The following SLC10A7 variants were observed in gnomAD, a reference collection of about 807,000 sequenced individuals.
SLC10A7 encodes sodium/bile acid cotransporter 7.
SLC10A7 carries 29 observed loss-of-function variants against 43.2 expected under a neutral mutation model. The ratio of observed to expected loss-of-function variants is 0.67; its 90% CI spans 0.50 to 0.92. SLC10A7 has a LOEUF of 0.92. Among genes scored for constraint, SLC10A7 ranks in the 40% least tolerant of loss-of-function variants. The pLI is 0.00. For synonymous variants in SLC10A7, 152 were observed against 144.8 expected (o/e 1.05, Z -0.35); for missense variants, 295 against 403.2 (o/e 0.73, Z 2.30).
chr4:146,454,553 A>G (rs1163239575), intron 4 of SLC10A7, among the ~76,000 whole-genome samples: 1 of 151,898 alleles, frequency 6.6e-6, no homozygotes, highest in Non-Finnish European at 1.5e-5. Flanking sequence ...ATCATGGAAA[A>G]AGGGCATATG....
intron 5 of SLC10A7, among the ~76,000 whole-genome samples, chr4:146,410,138 T>C (rs1296215411): frequency 1.3e-5 from 2 of 152,148 alleles, no homozygotes; most frequent in Non-Finnish European, 2.9e-5. Flanking sequence ...TTCTCCACTA[T>C]ATAGATGAGA....
At chr4:146,463,126 C>T (rs573135415) in intron 4 of SLC10A7, among the ~76,000 whole-genome samples, 2 of 152,206 alleles carry the variant, frequency 1.3e-5, no homozygotes, top group South Asian at 2.1e-4. Flanking sequence ...TAAAATGCTG[C>T]CCTCTAGATT....
intron 1 of SLC10A7, among the ~76,000 whole-genome samples, chr4:146,517,627 C>T (rs898649387): frequency 6.6e-6 from 1 of 152,038 alleles, no homozygotes; most frequent in African/African-American, 2.4e-5. Context: ...GGGCAAGGAC[C>T]GTGGCTGTCT....
rs529129559 is a variant in SLC10A7, at chr4:146,394,866, T to C, written c.435+47917A>G. On this transcript the variant is annotated intron_variant, in intron 5 of 11. Transcript: ENST00000335472. ...CATATTCTTATTCATATGGTATAAA[T>C]TGAATAATTTCTATTCCTAAAAACT... Among the ~76,000 whole-genome samples the C allele has an allele frequency of 6.6e-5, 10 of 152,338 alleles. No individual in the cohort carries two copies. The South Asian group carries it at 8.3e-4, about 13-fold the overall frequency.
At chr4:146,342,929 A>G (rs951925287) in intron 5 of SLC10A7, among the ~76,000 whole-genome samples, 2 of 151,884 alleles carry the variant, frequency 1.3e-5, no homozygotes, top group Non-Finnish European at 2.9e-5. Context: ...AAGAAGAGTA[A>G]TATAATGAAA....
chr4:146,511,629 C>T (rs954143358), intron 2 of SLC10A7, among the ~76,000 whole-genome samples: 16 of 152,222 alleles, frequency 1.1e-4, no homozygotes, highest in South Asian at 2.1e-4. Flanking sequence ...TGTTAGGTCA[C>T]AAGACATCCC....
At chr4:146,444,929 G>C (rs1432695603) in intron 4 of SLC10A7, among the ~76,000 whole-genome samples, 1 of 152,152 alleles carries the variant, frequency 6.6e-6, no homozygotes, top group Non-Finnish European at 1.5e-5. Context: ...TGCAGTCTAT[G>C]AAAGAACCAT....
intron 5 of SLC10A7, among the ~76,000 whole-genome samples, chr4:146,360,841 G>C (rs776594288): frequency 1.1e-4 from 17 of 151,976 alleles, no homozygotes; most frequent in Non-Finnish European, 2.1e-4. Context: ...AAGTAAACTA[G>C]GATTCAAAGC....
At chr4:146,287,174 CTG>C (rs1730081741) in intron 9 of SLC10A7, among the ~76,000 whole-genome samples, 1 of 151,918 alleles carries the variant, frequency 6.6e-6, no homozygotes, top group Non-Finnish European at 1.5e-5. Flanking sequence ...GTGAGAAGGA[CTG>C]TGTCTGGAGT....
rs1738723826 is a variant in SLC10A7 at position 146,521,890 on chromosome 4, T to G, written c.-173A>C. Reference sequence around the variant, plus strand: ...GACCTGGGGGTTGCTCCGGCGGCTTTGAGGAGGGTTGGGAGTAGTAGTAGC... The same window carrying G: ...GACCTGGGGGTTGCTCCGGCGGCTTGGAGGAGGGTTGGGAGTAGTAGTAGC... On this transcript the variant is annotated 5_prime_UTR_variant, in exon 1 of 12. Transcript: ENST00000335472. The G allele has an allele frequency of 3.4e-6, 2 of 592,964 alleles. No homozygotes were observed. The highest frequency in any genetic ancestry group is 6.0e-6 in the Non-Finnish European group (2 of 335,206). 36.7% of individuals were successfully genotyped at this position (592,964 alleles called of 1,614,324 possible).
intron 4 of SLC10A7, among the ~76,000 whole-genome samples, chr4:146,500,256 G>C (rs1159121511): frequency 6.6e-6 from 1 of 152,160 alleles, no homozygotes; most frequent in Non-Finnish European, 1.5e-5. Context: ...ACGCATCTCA[G>C]CTGGCTCCTC....
intron 4 of SLC10A7, among the ~76,000 whole-genome samples, chr4:146,486,604 A>G (rs1219045975): frequency 1.3e-5 from 2 of 152,118 alleles, no homozygotes; most frequent in African/African-American, 2.4e-5. Flanking sequence ...TTAGAATGGG[A>G]TATATTTGTG....
intron 7 of SLC10A7, among the ~76,000 whole-genome samples, chr4:146,294,444 C>T (rs1460110420): frequency 1.3e-5 from 2 of 152,176 alleles, no homozygotes; most frequent in Admixed American, 6.5e-5. Flanking sequence ...GTAATTATCA[C>T]AGTCCCCTTT....
At chr4:146,375,542 T>A (rs1737131835) in intron 5 of SLC10A7, among the ~76,000 whole-genome samples, 1 of 152,220 alleles carries the variant, frequency 6.6e-6, no homozygotes, top group South Asian at 2.1e-4. Context: ...CTTTAACGTA[T>A]AAGCATTAAC....
chr4:146,316,325 A>T (rs1041471249), intron 6 of SLC10A7, among the ~76,000 whole-genome samples: 4 of 152,094 alleles, frequency 2.6e-5, no homozygotes, highest in Admixed American at 2.6e-4. Context: ...TAAAATTTGT[A>T]TATTTAAATC....
At chr4:146,521,061 A>T (rs1382194501) in intron 1 of SLC10A7, among the ~76,000 whole-genome samples, 1 of 152,144 alleles carries the variant, frequency 6.6e-6, no homozygotes, top group Non-Finnish European at 1.5e-5. Context: ...GCTGTAATGA[A>T]GTGTCCTGTA....
At chr4:146,476,961 T>C (rs1214577834) in intron 4 of SLC10A7, among the ~76,000 whole-genome samples, 1 of 146,836 alleles carries the variant, frequency 6.8e-6, no homozygotes, top group East Asian at 2.0e-4. Context: ...AAAAAAAAAA[T>C]ACAGTTGTTT....
intron 4 of SLC10A7, among the ~76,000 whole-genome samples, chr4:146,488,622 A>G (rs1735117582): frequency 6.6e-6 from 1 of 152,164 alleles, no homozygotes; most frequent in African/African-American, 2.4e-5. Context: ...GACCAGATCA[A>G]CCCTATAGAA....
intron 10 of SLC10A7, among the ~76,000 whole-genome samples, chr4:146,263,522 TAGAA>T: frequency 2.6e-5 from 4 of 152,336 alleles, no homozygotes; most frequent in African/African-American, 7.2e-5. Context: ...ACAAACTTAC[TAGAA>T]AGAGTTTTCC....
Sources: allele counts gnomAD v4.1 joint callset (sites outside exome capture counted in the v4.1 genomes callset), GRCh38; gene constraint gnomAD v4.1.1; transcripts MANE v1.5; gene names NCBI Gene and HGNC (gene_info 2026-07-23, HGNC 2026-07-21).